The following DNAH10 variants were observed in gnomAD, a reference collection of about 807,000 sequenced individuals.
DNAH10 encodes axonemal beta dynein heavy chain 10.
A neutral mutation model predicts 506.6 loss-of-function variants in DNAH10; 348 were observed. That is an observed-to-expected ratio of 0.69 (90% CI 0.63 to 0.75). The LOEUF (loss-of-function observed/expected upper bound fraction) is 0.75. DNAH10 is among the 30% of genes least tolerant of loss of function. The probability of loss-of-function intolerance (pLI) is 0.00; values close to 1 mark genes in which losing one functional copy is unlikely to be tolerated. For missense variants in DNAH10, 5,179 were observed against 5,787.1 expected, an observed-to-expected ratio of 0.89 and a Z score of 3.41; for synonymous variants, 2,059 against 2,198.6, an observed-to-expected ratio of 0.94 and a Z score of 1.78.
intron 19 of DNAH10, among the ~76,000 whole-genome samples, chr12:123,812,816 C>G (rs1282507555): frequency 6.6e-6 from 1 of 152,068 alleles, no homozygotes; most frequent in Non-Finnish European, 1.5e-5. Context: ...TGTGTATGGC[C>G]TTTCGTGGTG....
At chr12:123,831,405 A>C (rs1426967170) in intron 26 of DNAH10, among the ~76,000 whole-genome samples, 1 of 152,206 alleles carries the variant, frequency 6.6e-6, no homozygotes, top group African/African-American at 2.4e-5. Flanking sequence ...ACCTAATGGC[A>C]GGGACACATT....
rs1470651454 is a variant in DNAH10, at chr12:123,853,818, ACACG to A, written c.6438+474_6438+477del. ...TGACTGTACTCAATGTTGCACGCAC[ACACG>A]CACGCACACACACGCACACGCACGG... On this transcript the variant is annotated intron_variant, in intron 36 of 78. Coordinates refer to ENST00000673944, the MANE Select transcript of DNAH10 (RefSeq NM_001372106.1). This position sits in a 1 kb window ranked among gnomAD's most constrained non-coding sequence, Gnocchi z 4.7. 2.6e-5 allele frequency among the ~76,000 whole-genome samples: 4 copies of A among 151,424 alleles called. No homozygotes were observed. Among genetic ancestry groups the A allele is most frequent in the Admixed American group, 6.6e-5 (1 of 15,186 alleles).
chr12:123,851,054 C>T lies in DNAH10; in HGVS notation c.6269C>T (p.Ser2090Phe). 6.2e-7 allele frequency: 1 copy of T among 1,606,962 alleles called. No individual in the cohort carries two copies. The highest frequency in any genetic ancestry group is 8.5e-7 in the Non-Finnish European group (1 of 1,174,894). Residue 2090 changes from serine to phenylalanine, a missense_variant, in exon 35 of 79, where the codon TCT (serine) becomes TTT (phenylalanine). This residue lies in a region of DNAH10 where 4,844 missense variants were observed against 5,430.5 expected (regional missense o/e 0.89). Coordinates refer to ENST00000673944, the MANE Select transcript of DNAH10 (RefSeq NM_001372106.1). ...LQQICEIMLF[S>F]EGFLEAKTLA... ...CAGATCTGTGAGATCATGCTCTTCT[C>T]TGAGGGCTTCCTGGAGGCCAAGGTG... is the stretch of plus-strand genomic sequence containing the variant.
Position 123,925,531 on chromosome 12 carries a change from A to G in DNAH10, c.11921+327A>G, listed in dbSNP as rs1326326501. Reference sequence around the variant, plus strand: ...ATTTGAATGTATAATCAATATGAACATGATTGAGACATTTTACATGCTTTT... The same window carrying G: ...ATTTGAATGTATAATCAATATGAACGTGATTGAGACATTTTACATGCTTTT... On this transcript the variant is annotated intron_variant, in intron 68 of 78. Coordinates refer to ENST00000673944, the MANE Select transcript of DNAH10 (RefSeq NM_001372106.1). This position sits in a 1 kb window ranked among gnomAD's most constrained non-coding sequence, Gnocchi z 4.0. 4.4e-6 allele frequency: 1 copy of G among 229,100 alleles called. No individual in the cohort carries two copies. Among genetic ancestry groups the G allele is most frequent in the Non-Finnish European group, 8.4e-6 (1 of 118,878 alleles). The allele number at this position is 229,100 out of a possible 1,614,324, so 14.2% of individuals were successfully genotyped here. A position where few individuals can be genotyped will look rare whatever the true frequency, so the allele number is the denominator to read the frequency against.
chr12:123,930,785 T>C (rs1355866420), intron 73 of DNAH10, among the ~76,000 whole-genome samples: 4 of 152,172 alleles, frequency 2.6e-5, no homozygotes, highest in Non-Finnish European at 4.4e-5. Context: ...TAAATCAGGT[T>C]CCACCTGGAA....
intron 47 of DNAH10, among the ~76,000 whole-genome samples, chr12:123,877,114 C>T (rs1328997664): frequency 2.0e-5 from 3 of 152,214 alleles, no homozygotes; most frequent in African/African-American, 4.8e-5. Context: ...CACACATTAG[C>T]ACTTACTCCC....
intron 24 of DNAH10, among the ~76,000 whole-genome samples, chr12:123,821,281 T>G (rs919783552): frequency 4.0e-5 from 6 of 151,844 alleles, no homozygotes; most frequent in African/African-American, 1.5e-4. Context: ...AAATAGATAG[T>G]GGCGCTGGCT....
chr12:123,829,773 C>T (rs1232773295), intron 25 of DNAH10, among the ~76,000 whole-genome samples: 2 of 152,082 alleles, frequency 1.3e-5, no homozygotes, highest in East Asian at 1.9e-4. Flanking sequence ...GTGCTGGGTA[C>T]GTGGCGTTCT....
At position 123,896,148 on chromosome 12, in the gene DNAH10, C is replaced by CACACACACACACAGAGAG. The variant is rs1383690518; in HGVS notation, c.9280+1426_9280+1427insCACACACACACAGAGAGA. On this transcript the variant is annotated intron_variant, in intron 54 of 78. Coordinates refer to ENST00000673944, the MANE Select transcript of DNAH10 (RefSeq NM_001372106.1). ...ACACACACACACACACACACACACA[C>CACACACACACACAGAGAG]AGAGAGAGAGAGAGAGAGAGAGAGA... Among the ~76,000 whole-genome samples the CACACACACACACAGAGAG allele has an allele frequency of 1.3e-3, 125 of 95,284 alleles. 1 individual carries two copies. Among genetic ancestry groups the CACACACACACACAGAGAG allele is most frequent in the Non-Finnish European group, 2.1e-3 (110 of 51,290 alleles). The allele number at this position is 95,284 out of a possible 152,430, so 62.5% of individuals were successfully genotyped here.
intron 19 of DNAH10, among the ~76,000 whole-genome samples, chr12:123,810,837 A>G (rs1958905757): frequency 6.6e-6 from 1 of 152,074 alleles, no homozygotes; most frequent in African/African-American, 2.4e-5. Flanking sequence ...GGAAACAGCA[A>G]TTTTTAAGAG....
chr12:123,931,758 T>C lies in DNAH10; in HGVS notation c.13039T>C (p.Ser4347Pro), dbSNP rs1400010116. The change falls in exon 75 of 79, where the codon TCC becomes CCC. Residue 4347 changes from serine (S) to proline (P), a missense_variant. Ser to Pro is a moderately conservative substitution (Grantham distance 74). This residue lies in a region of DNAH10 where 4,844 missense variants were observed against 5,430.5 expected (regional missense o/e 0.89). Coordinates refer to ENST00000673944, the MANE Select transcript of DNAH10 (RefSeq NM_001372106.1). ...QVRKRLGTGL[S>P]PTSVVLLQEL... ...GAGGAAGCGCCTCGGAACAGGACTC[T>C]CCCCCACTTCGGTGGTGCTCCTGCA... is the stretch of plus-strand genomic sequence containing the variant. 6.2e-7 allele frequency: 1 copy of C among 1,614,014 alleles called. No homozygotes were observed. Among genetic ancestry groups the C allele is most frequent in the Non-Finnish European group, 8.5e-7 (1 of 1,179,896 alleles).
chr12:123,933,605 T>G (rs1244060926), intron 77 of DNAH10, 94 bp downstream of exon 77: 1 of 1,408,622 alleles, frequency 7.1e-7, no homozygotes, highest in South Asian at 1.4e-5. Context: ...AGCGTGGGCC[T>G]AAATGGGCCA....
chr12:123,801,042 A>G (rs1434520527), intron 15 of DNAH10, among the ~76,000 whole-genome samples: 1 of 152,198 alleles, frequency 6.6e-6, no homozygotes, highest in Non-Finnish European at 1.5e-5. Flanking sequence ...AGTTTAAAAT[A>G]GGGATCAACA....
chr12:123,905,994 T>G (rs994596723), intron 57 of DNAH10, among the ~76,000 whole-genome samples: 12 of 151,900 alleles, frequency 7.9e-5, no homozygotes, highest in Non-Finnish European at 1.8e-4. Flanking sequence ...CTCGGCTCAC[T>G]GCAACCTCCG....
chr12:123,803,936 C>A, intron 17 of DNAH10, 111 bp downstream of exon 17: 2 of 1,021,464 alleles, frequency 2.0e-6, no homozygotes, highest in East Asian at 3.1e-5. Flanking sequence ...TTGTATGTTC[C>A]ATGAATGGCA....
intron 56 of DNAH10, among the ~76,000 whole-genome samples, chr12:123,901,389 C>T (rs892703742): frequency 5.3e-5 from 8 of 152,212 alleles, no homozygotes; most frequent in African/African-American, 1.9e-4. Flanking sequence ...CTGATGCATT[C>T]ATCCCCCTGC....
chr12:123,878,947 G>A (rs1422620299), intron 48 of DNAH10, among the ~76,000 whole-genome samples: 1 of 152,108 alleles, frequency 6.6e-6, no homozygotes, highest in East Asian at 1.9e-4. Flanking sequence ...CCCTGATGCT[G>A]ATTTTAAATT....
intron 55 of DNAH10, 116 bp from the exon 56 acceptor site, chr12:123,898,537 C>T: frequency 7.7e-7 from 1 of 1,293,988 alleles, no homozygotes; most frequent in Non-Finnish European, 1.0e-6. Flanking sequence ...AGACATGTGC[C>T]ATCTTGTAAA....
chr12:123,925,026 A>G lies in DNAH10; in HGVS notation c.11767-24A>G, dbSNP rs1373938550. 3.7e-6 allele frequency: 6 copies of G among 1,612,892 alleles called. No individual in the cohort carries two copies. The highest frequency in any genetic ancestry group is 4.5e-5 in the East Asian group (2 of 44,874). ...TATGTCATTTCTGAGTTGACGCACA[A>G]TGAATATTCTTTGCTTTTCCCAGTG... On this transcript the variant is annotated intron_variant, in intron 67 of 78. Transcript: ENST00000673944. This position sits in a 1 kb window ranked among gnomAD's most constrained non-coding sequence, Gnocchi z 4.0.
Sources: allele counts gnomAD v4.1 joint callset (sites outside exome capture counted in the v4.1 genomes callset), GRCh38; gene constraint gnomAD v4.1.1; regional missense constraint gnomAD v4.1.1; non-coding constraint Gnocchi (gnomAD v3.1); transcripts MANE v1.5; gene names NCBI Gene and HGNC (gene_info 2026-07-23, HGNC 2026-07-21).